Variants in HIP1 observed in about 807,000 individuals in gnomAD.
HIP1 encodes the protein huntingtin-interacting protein 1.
Under a neutral mutation model 147.6 loss-of-function variants are expected in HIP1, and 65 were observed. That is an observed-to-expected ratio of 0.44 (90% CI 0.36 to 0.54). The LOEUF (loss-of-function observed/expected upper bound fraction) is 0.54, where lower values mean the gene tolerates loss of function less well. Among genes scored for constraint, HIP1 ranks in the 20% least tolerant of loss-of-function variants. The pLI is 0.00. For synonymous variants in HIP1, 479 were observed against 504.0 expected (o/e 0.95, Z 0.67); for missense variants, 1,061 against 1,299.6 (o/e 0.82, Z 2.82).
At chr7:75,652,327 A>C (rs1017315449) in intron 1 of HIP1, among the ~76,000 whole-genome samples, 2 of 151,934 alleles carry the variant, frequency 1.3e-5, no homozygotes, top group African/African-American at 2.4e-5. Flanking sequence ...AAAAAAAAAA[A>C]AAACCACTAT....
chr7:75,714,704 C>T (rs565189188), intron 1 of HIP1, among the ~76,000 whole-genome samples: 53 of 151,718 alleles, frequency 3.5e-4, no homozygotes, highest in Middle Eastern at 3.5e-3. Flanking sequence ...CCACCTGCCT[C>T]GGCCTCCCAA....
intron 1 of HIP1, among the ~76,000 whole-genome samples, chr7:75,664,897 G>A (rs898295891): frequency 1.3e-5 from 2 of 151,932 alleles, no homozygotes; most frequent in South Asian, 4.2e-4. Flanking sequence ...CTGGGATTAC[G>A]GGCGTGAGCC....
intron 1 of HIP1, among the ~76,000 whole-genome samples, chr7:75,656,009 C>G (rs184760986): frequency 6.6e-6 from 1 of 152,086 alleles, no homozygotes; most frequent in East Asian, 1.9e-4. Context: ...GTCCCAACTA[C>G]TCGGGAAGCT....
chr7:75,723,328 C>T lies in HIP1; in HGVS notation c.120+15473G>A, dbSNP rs562334564. On this transcript the variant is annotated intron_variant, in intron 1 of 30. Coordinates refer to ENST00000336926, the MANE Select transcript of HIP1 (RefSeq NM_005338.7). ...CGGAGGTTGCAGTGAGCCGAGATCG[C>T]GCCATTGCACTCCACCCTGGGCGAC... Among the ~76,000 whole-genome samples the T allele has an allele frequency of 4.6e-5, 7 of 152,186 alleles. No individual in the cohort carries two copies. In the South Asian group the frequency reaches 1.0e-3, roughly 23 times the overall value.
rs200659620 is a variant in HIP1 at position 75,549,021 on chromosome 7, G to T, written c.2296-20C>A. The T allele has an allele frequency of 4.4e-4, 678 of 1,557,106 alleles. 1 individual carries two copies. The highest frequency in any genetic ancestry group is 5.1e-4 in the Non-Finnish European group (574 of 1,128,082). ...GAGCTCCTGTGAACACATCACAAAG[G>T]CTGAACTGACCTTGGGGCCTCCTGT... On this transcript the variant is annotated intron_variant, in intron 22 of 30. Coordinates refer to ENST00000336926, the MANE Select transcript of HIP1 (RefSeq NM_005338.7).
chr7:75,623,688 C>T (rs1388682165), intron 1 of HIP1, among the ~76,000 whole-genome samples: 7 of 152,238 alleles, frequency 4.6e-5, no homozygotes, highest in African/African-American at 1.7e-4. Context: ...CCTCCGCCTC[C>T]TCTTCTCCAG....
intron 1 of HIP1, among the ~76,000 whole-genome samples, chr7:75,720,679 C>T (rs547770985): frequency 1.3e-5 from 2 of 152,324 alleles, no homozygotes; most frequent in South Asian, 4.1e-4. Flanking sequence ...GCATGATATT[C>T]AGACACTCCA....
At chr7:75,547,951 T>G in intron 23 of HIP1, 138 bp from the exon 24 acceptor site, 1 of 771,498 alleles carries the variant, frequency 1.3e-6, no homozygotes, top group Non-Finnish European at 2.3e-6. Context: ...GCCCACATTC[T>G]TGAGAGAGTC....
At chr7:75,699,549 A>G (rs1289034379) in intron 1 of HIP1, among the ~76,000 whole-genome samples, 1 of 152,116 alleles carries the variant, frequency 6.6e-6, no homozygotes, top group East Asian at 1.9e-4. Context: ...AAAGACATTC[A>G]GTTCCAAGTT....
intron 1 of HIP1, among the ~76,000 whole-genome samples, chr7:75,609,473 C>T (rs1797345988): frequency 6.6e-6 from 1 of 152,150 alleles, no homozygotes; most frequent in African/African-American, 2.4e-5. Flanking sequence ...CTCCACCCCA[C>T]CCTCCACCAT....
At chr7:75,543,346 T>C (rs1387286856) in intron 27 of HIP1, among the ~76,000 whole-genome samples, 1 of 152,036 alleles carries the variant, frequency 6.6e-6, no homozygotes, top group Non-Finnish European at 1.5e-5. Flanking sequence ...ATTGATGATA[T>C]TGATTCAAAA....
At chr7:75,675,974 T>C (rs536430964) in intron 1 of HIP1, among the ~76,000 whole-genome samples, 77 of 152,312 alleles carry the variant, frequency 5.1e-4, no homozygotes, top group Middle Eastern at 3.4e-3. Context: ...TTGATGGCTT[T>C]TTCCCCCTAA....
intron 2 of HIP1, 106 bp downstream of exon 2, chr7:75,599,078 G>C: frequency 1.2e-6 from 1 of 811,208 alleles, no homozygotes; most frequent in Non-Finnish European, 2.2e-6. Flanking sequence ...GGCCTGTGCA[G>C]GGTTGCCCCT....
intron 1 of HIP1, among the ~76,000 whole-genome samples, chr7:75,665,873 A>T (rs1345138497): frequency 3.3e-5 from 5 of 152,094 alleles, no homozygotes; most frequent in African/African-American, 1.2e-4. Context: ...CTTTTCCATT[A>T]TAGCTTGTAG....
intron 1 of HIP1, among the ~76,000 whole-genome samples, chr7:75,711,866 C>T (rs1380550351): frequency 1.3e-5 from 2 of 152,186 alleles, no homozygotes; most frequent in Non-Finnish European, 2.9e-5. Context: ...CTCCACCAGT[C>T]CCCTGCCAGT....
At chr7:75,721,208 C>A (rs1584978901) in intron 1 of HIP1, among the ~76,000 whole-genome samples, 1 of 151,998 alleles carries the variant, frequency 6.6e-6, no homozygotes, top group East Asian at 1.9e-4. Flanking sequence ...GAAAACTCAT[C>A]TCTACTAAAA....
chr7:75,720,317 T>C (rs1202263001), intron 1 of HIP1, among the ~76,000 whole-genome samples: 2 of 152,048 alleles, frequency 1.3e-5, no homozygotes, highest in African/African-American at 2.4e-5. Context: ...CCTGCCATCA[T>C]GCCTGGCTAA....
intron 1 of HIP1, among the ~76,000 whole-genome samples, chr7:75,616,085 CAAAAAAA>C (rs71098042): frequency 2.8e-5 from 1 of 35,322 alleles, no homozygotes; most frequent in Non-Finnish European, 5.2e-5. Flanking sequence ...GACTCTGTCT[CAAAAAAA>C]AAAAAAAAAA....
chr7:75,557,852 T>C, intron 15 of HIP1, 82 bp from the exon 16 acceptor site: 1 of 1,047,864 alleles, frequency 9.5e-7, no homozygotes, highest in Non-Finnish European at 1.5e-6. Flanking sequence ...ATACTCAGGC[T>C]GTGCGTGCCC....
Sources: allele counts gnomAD v4.1 joint callset (sites outside exome capture counted in the v4.1 genomes callset), GRCh38; gene constraint gnomAD v4.1.1; transcripts MANE v1.5; gene names NCBI Gene and HGNC (gene_info 2026-07-23, HGNC 2026-07-21).